The following NR3C2 variants were observed in gnomAD, a reference collection of about 807,000 sequenced individuals.
The protein encoded by NR3C2 is mineralocorticoid receptor.
Under a neutral mutation model 86.4 loss-of-function variants are expected in NR3C2, and 15 were observed. The observed-to-expected ratio is 0.17, with a 90% CI of 0.12 to 0.27. NR3C2 has a LOEUF of 0.27. Ranked by LOEUF, NR3C2 falls within the 10% of genes least tolerant of loss-of-function variation. NR3C2 has a pLI of 1.00. For synonymous variants in NR3C2, 458 were observed against 450.5 expected (o/e 1.02, Z -0.21); for missense variants, 960 against 1,195.6 (o/e 0.80, Z 2.91).
intron 2 of NR3C2, among the ~76,000 whole-genome samples, chr4:148,427,403 C>T (rs142708028): frequency 0.013 from 1,972 of 152,142 alleles, 46 homozygotes; most frequent in African/African-American, 0.044. Context: ...ACATAAGACA[C>T]AGCAAAGTAG....
At chr4:148,443,843 A>C (rs1750471116), upstream of NR3C2, 1 of 262,842 alleles carries the variant, frequency 3.8e-6, no homozygotes, top group African/African-American at 2.3e-5. Flanking sequence ...CAGTTAGTTA[A>C]GCTCCGGGAT....
chr4:148,133,609 C>T (rs191215615), intron 6 of NR3C2, among the ~76,000 whole-genome samples: 19 of 152,316 alleles, frequency 1.2e-4, no homozygotes, highest in Non-Finnish European at 2.1e-4. Flanking sequence ...TATTAACCAA[C>T]AACTCATGGG....
chr4:148,252,131 C>G (rs961304315), intron 3 of NR3C2, among the ~76,000 whole-genome samples: 8 of 151,904 alleles, frequency 5.3e-5, no homozygotes, highest in African/African-American at 1.7e-4. Flanking sequence ...GATAATAACC[C>G]CACACATTTG....
chr4:148,266,461 G>A (rs1464951462), intron 2 of NR3C2, among the ~76,000 whole-genome samples: 1 of 152,166 alleles, frequency 6.6e-6, no homozygotes, highest in Non-Finnish European at 1.5e-5. Context: ...AAGTCTCTGA[G>A]ACAGGAATGA....
At chr4:148,428,712 C>A (rs1389032615) in intron 2 of NR3C2, among the ~76,000 whole-genome samples, 2 of 151,972 alleles carry the variant, frequency 1.3e-5, no homozygotes, top group Non-Finnish European at 2.9e-5. Context: ...ATATCTCAAA[C>A]CTGTCCCCTT....
chr4:148,136,056 C>CAAAAAAAAAA (rs199716496), intron 6 of NR3C2, among the ~76,000 whole-genome samples: 1 of 71,202 alleles, frequency 1.4e-5, no homozygotes, highest in Non-Finnish European at 2.7e-5. Flanking sequence ...GACTCCGTCT[C>CAAAAAAAAAA]AAAAAAAAAA....
chr4:148,162,481 C>T (rs545344709), intron 4 of NR3C2, among the ~76,000 whole-genome samples: 2 of 152,024 alleles, frequency 1.3e-5, no homozygotes, highest in South Asian at 2.1e-4. Flanking sequence ...AACATGTCTT[C>T]GAGGTCTGGC....
intron 8 of NR3C2, among the ~76,000 whole-genome samples, chr4:148,094,441 A>T (rs1578874618): frequency 6.6e-6 from 1 of 152,216 alleles, no homozygotes; most frequent in East Asian, 1.9e-4. Flanking sequence ...ACAGCTGGGC[A>T]TGGGGCCCAC....
chr4:148,328,757 C>G (rs1744086278), intron 2 of NR3C2, among the ~76,000 whole-genome samples: 1 of 152,086 alleles, frequency 6.6e-6, no homozygotes, highest in Non-Finnish European at 1.5e-5. Context: ...GGTTAAGTAC[C>G]ACCAATGAGC....
chr4:148,098,132 A>G (rs1197861881), intron 8 of NR3C2, among the ~76,000 whole-genome samples: 2 of 152,122 alleles, frequency 1.3e-5, no homozygotes, highest in African/African-American at 4.8e-5. Flanking sequence ...CTCTGCTGCA[A>G]TCCAGTGTCT....
At chr4:148,108,581 A>G (rs1234430425) in intron 8 of NR3C2, among the ~76,000 whole-genome samples, 2 of 152,160 alleles carry the variant, frequency 1.3e-5, no homozygotes, top group Non-Finnish European at 2.9e-5. Flanking sequence ...AGCTTCTAGC[A>G]TGGCCCCTGG....
At chr4:148,207,377 C>T (rs1226174410) in intron 3 of NR3C2, among the ~76,000 whole-genome samples, 1 of 152,190 alleles carries the variant, frequency 6.6e-6, no homozygotes, top group African/African-American at 2.4e-5. Context: ...AGAAGCAGTA[C>T]TGAATCTTCG....
At position 148,078,808 on chromosome 4, in the gene NR3C2, C is replaced by CAAAG. The variant is rs1053974546; in HGVS notation, c.*2532_*2535dup. 6.6e-6 allele frequency: 1 copy of CAAAG among 152,580 alleles called. No homozygotes were observed. The highest frequency in any genetic ancestry group is 2.4e-5 in the African/African-American group (1 of 41,426). The allele number at this position is 152,580 out of a possible 1,614,324, so 9.5% of individuals were successfully genotyped here. A position where few individuals can be genotyped will look rare whatever the true frequency, so the allele number is the denominator to read the frequency against. On this transcript the variant is annotated 3_prime_UTR_variant, in exon 9 of 9. Transcript: ENST00000358102. Reference sequence around the variant, plus strand: ...ATTGTAATCTGCTTACAGTCCTTTGCAAAGACAGACATATGTTTTTGCATA... The same window carrying CAAAG: ...ATTGTAATCTGCTTACAGTCCTTTGCAAAGAAAGACAGACATATGTTTTTGCATA...
chr4:148,144,681 ACCT>A (rs1733782916), intron 6 of NR3C2, among the ~76,000 whole-genome samples: 1 of 150,534 alleles, frequency 6.6e-6, no homozygotes, highest in South Asian at 2.1e-4. Context: ...AGCTTATAAA[ACCT>A]CCTCCAGCCC....
chr4:148,188,819 G>A (rs1050544467), intron 4 of NR3C2, among the ~76,000 whole-genome samples: 20 of 152,062 alleles, frequency 1.3e-4, no homozygotes, highest in African/African-American at 4.8e-4. Flanking sequence ...CCAGTTCTCA[G>A]AGGGAATGCT....
intron 8 of NR3C2, among the ~76,000 whole-genome samples, chr4:148,093,189 A>C (rs1295236561): frequency 6.6e-6 from 1 of 152,212 alleles, no homozygotes; most frequent in Non-Finnish European, 1.5e-5. Context: ...TCACAGGGCA[A>C]CTGATGGCAC....
At chr4:148,312,724 T>A (rs1742964411) in intron 2 of NR3C2, among the ~76,000 whole-genome samples, 1 of 152,162 alleles carries the variant, frequency 6.6e-6, no homozygotes, top group Non-Finnish European at 1.5e-5. Context: ...AAATGTCTCA[T>A]AAAATAATTC....
chr4:148,305,304 A>G (rs1387603033), intron 2 of NR3C2, among the ~76,000 whole-genome samples: 1 of 152,172 alleles, frequency 6.6e-6, no homozygotes, highest in East Asian at 1.9e-4. Flanking sequence ...CATTCTCCTC[A>G]GAATAAAACA....
intron 2 of NR3C2, among the ~76,000 whole-genome samples, chr4:148,405,232 A>G (rs1748360230): frequency 6.6e-6 from 1 of 152,240 alleles, no homozygotes. Context: ...GGGCTACACA[A>G]AAAGAGCATT....
Sources: allele counts gnomAD v4.1 joint callset (sites outside exome capture counted in the v4.1 genomes callset), GRCh38; gene constraint gnomAD v4.1.1; transcripts MANE v1.5; gene names NCBI Gene and HGNC (gene_info 2026-07-23, HGNC 2026-07-21).